TASP1: variants seen among roughly 807,000 people sequenced by gnomAD.
TASP1 encodes threonine aspartase 1.
TASP1 carries 16 observed loss-of-function variants against 56.6 expected under a neutral mutation model. The ratio of observed to expected loss-of-function variants is 0.28; its 90% CI spans 0.19 to 0.43. TASP1 has a LOEUF of 0.43. Ranked by LOEUF, TASP1 falls within the 20% of genes least tolerant of loss-of-function variation. The pLI, the probability that TASP1 is intolerant of heterozygous loss-of-function variation, is 1.00. For missense variants in TASP1, 393 were observed against 511.6 expected (o/e 0.77, Z 2.24); for synonymous variants, 179 against 184.2 (o/e 0.97, Z 0.23).
intron 12 of TASP1, among the ~76,000 whole-genome samples, chr20:13,427,024 G>T (rs2042637742): frequency 6.6e-6 from 1 of 152,130 alleles, no homozygotes; most frequent in African/African-American, 2.4e-5. Flanking sequence ...TGTTCTCTTT[G>T]ATGGTTATGT....
At chr20:13,166,120 G>A in the TASP1 span, 1 of 152,608 alleles carries the variant, frequency 6.6e-6, no homozygotes, top group Admixed American at 6.6e-5. Flanking sequence ...GAGAGCAGTG[G>A]TGACCTTTTA....
the TASP1 span, among the ~76,000 whole-genome samples, chr20:13,282,802 G>A: frequency 4.8e-4 from 73 of 152,278 alleles, 1 homozygote; most frequent in East Asian, 9.1e-3. Context: ...ATGCACCTTC[G>A]ATGCAATAGG....
At chr20:13,288,420 C>A in the TASP1 span, 1 of 1,100,428 alleles carries the variant, frequency 9.1e-7, no homozygotes. Context: ...GAAAAGTCCT[C>A]TCCAGCAATC....
chr20:13,505,309 T>C (rs1452744218), intron 10 of TASP1, among the ~76,000 whole-genome samples: 1 of 152,122 alleles, frequency 6.6e-6, no homozygotes, highest in Non-Finnish European at 1.5e-5. Context: ...AATAAAATAA[T>C]AGTAGAGAAC....
intron 11 of TASP1, among the ~76,000 whole-genome samples, chr20:13,442,334 T>A (rs186661198): frequency 6.6e-6 from 1 of 151,730 alleles, no homozygotes; most frequent in African/African-American, 2.4e-5. Flanking sequence ...TACTCCTGCC[T>A]ACATCACTGA....
At chr20:13,554,739 T>A (rs966833233) in intron 8 of TASP1, among the ~76,000 whole-genome samples, 1 of 150,264 alleles carries the variant, frequency 6.7e-6, no homozygotes, top group Admixed American at 6.8e-5. Flanking sequence ...AATAGCATTA[T>A]GTTTAAAAAA....
the TASP1 span, among the ~76,000 whole-genome samples, chr20:13,150,912 T>C: frequency 1.3e-4 from 20 of 152,322 alleles, no homozygotes; most frequent in African/African-American, 4.6e-4. Flanking sequence ...ATTTATTGAT[T>C]TTTTTCAGAT....
chr20:13,523,827 A>G (rs946549437), intron 10 of TASP1, among the ~76,000 whole-genome samples: 16 of 152,114 alleles, frequency 1.1e-4, no homozygotes, highest in African/African-American at 3.9e-4. Flanking sequence ...GAATACTTTA[A>G]GGAGGGGAAA....
chr20:13,264,177 T>C, the TASP1 span, among the ~76,000 whole-genome samples: 1 of 152,192 alleles, frequency 6.6e-6, no homozygotes, highest in African/African-American at 2.4e-5. Context: ...ACAGGGCCTG[T>C]TCTTTGCCTT....
intron 6 of TASP1, among the ~76,000 whole-genome samples, chr20:13,578,228 C>G (rs1373013910): frequency 2.6e-5 from 4 of 151,030 alleles, no homozygotes; most frequent in Non-Finnish European, 5.9e-5. Flanking sequence ...ACTAACAATT[C>G]CTTGATTAAT....
At chr20:13,276,619 A>G in the TASP1 span, among the ~76,000 whole-genome samples, 61 of 152,320 alleles carry the variant, frequency 4.0e-4, no homozygotes, top group Non-Finnish European at 6.9e-4. Context: ...CACTTCAATT[A>G]TGTGTGTTAA....
At chr20:13,338,814 T>A in the TASP1 span, among the ~76,000 whole-genome samples, 1 of 152,234 alleles carries the variant, frequency 6.6e-6, no homozygotes, top group African/African-American at 2.4e-5. Context: ...AGGTAAGCAG[T>A]CATCACAGAT....
chr20:13,606,192 C>T (rs1012159392), intron 4 of TASP1, among the ~76,000 whole-genome samples: 3 of 151,848 alleles, frequency 2.0e-5, no homozygotes, highest in Non-Finnish European at 2.9e-5. Flanking sequence ...ACCTGAGGTC[C>T]CACAGTGATT....
intron 12 of TASP1, among the ~76,000 whole-genome samples, chr20:13,430,456 C>T (rs75165973): frequency 0.021 from 3,264 of 152,274 alleles, 108 homozygotes; most frequent in African/African-American, 0.074. Context: ...CCCGGTTCCT[C>T]AGAAGCAGCT....
chr20:13,350,388 C>T, the TASP1 span, among the ~76,000 whole-genome samples: 1 of 152,030 alleles, frequency 6.6e-6, no homozygotes, highest in Non-Finnish European at 1.5e-5. Context: ...GTAACACTGA[C>T]TCTGACTCTA....
chr20:13,550,219 G>A (rs1054984109), intron 8 of TASP1, among the ~76,000 whole-genome samples: 6 of 149,820 alleles, frequency 4.0e-5, no homozygotes, highest in Admixed American at 1.3e-4. Flanking sequence ...ATCAAAGGTC[G>A]AAAGTTTTAG....
the TASP1 span, among the ~76,000 whole-genome samples, chr20:13,150,662 A>T: frequency 3.7e-4 from 56 of 152,138 alleles, no homozygotes; most frequent in African/African-American, 1.3e-3. Context: ...CCTTCCAATC[A>T]TTAAATGTGG....
the TASP1 span, among the ~76,000 whole-genome samples, chr20:13,274,859 C>T: frequency 3.8e-3 from 585 of 152,228 alleles, 5 homozygotes; most frequent in African/African-American, 0.014. Context: ...AGAAAATGCG[C>T]AAAATAGAAC....
Position 13,559,053 on chromosome 20 carries a change from G to A in TASP1, c.630C>T (p.Asp210=), listed in dbSNP as rs2046256876. 1 of 1,596,394 alleles carries A rather than the reference G, an allele frequency of 6.3e-7. No homozygotes were observed. Among genetic ancestry groups the A allele is most frequent in the Admixed American group, 1.7e-5 (1 of 58,602 alleles). Residue 210 remains aspartate, a synonymous_variant, in exon 8 of 14, where the codon GAC becomes GAT. Coordinates refer to ENST00000337743, the MANE Select transcript of TASP1 (RefSeq NM_017714.3). The part of the protein sequence containing the change: ...KRKLELAERV[D]TDFMQLKKRR... Reference sequence around the variant, plus strand: ...TTTTCTTTAGTTGCATAAAATCTGTGTCCACCCTTTCTGCCAGCTCTAGTT... The same window carrying A: ...TTTTCTTTAGTTGCATAAAATCTGTATCCACCCTTTCTGCCAGCTCTAGTT...
Sources: allele counts gnomAD v4.1 joint callset (sites outside exome capture counted in the v4.1 genomes callset), GRCh38; gene constraint gnomAD v4.1.1; transcripts MANE v1.5; gene names NCBI Gene and HGNC (gene_info 2026-07-23, HGNC 2026-07-21).